KCNN2: variants seen among roughly 807,000 people sequenced by gnomAD.
KCNN2 encodes potassium calcium-activated channel subfamily N member 2.
In KCNN2, 24 loss-of-function variants were observed where a neutral mutation model predicts 55.5. The observed-to-expected ratio is 0.43, with a 90% CI of 0.31 to 0.61. The LOEUF (loss-of-function observed/expected upper bound fraction) is 0.61, where lower values mean the gene tolerates loss of function less well. Among genes scored for constraint, KCNN2 ranks in the 20% least tolerant of loss-of-function variants. The pLI is 0.08. For missense variants in KCNN2, 754 were observed against 853.6 expected (o/e 0.88, Z 1.45); for synonymous variants, 431 against 336.1 (o/e 1.28, Z -3.09).
intron 3 of KCNN2, among the ~76,000 whole-genome samples, chr5:114,430,277 T>A (rs1006408267): frequency 6.6e-6 from 1 of 152,090 alleles, no homozygotes; most frequent in African/African-American, 2.4e-5. Context: ...TTTATTTAGC[T>A]CTTCTTGGAT....
chr5:114,439,721 C>G (rs1185800870), intron 3 of KCNN2, among the ~76,000 whole-genome samples: 4 of 152,022 alleles, frequency 2.6e-5, no homozygotes, highest in Non-Finnish European at 5.9e-5. Context: ...AGGGATATAC[C>G]TATAATAAAA....
chr5:114,074,162 A>G (rs1750632667), intron 1 of KCNN2, among the ~76,000 whole-genome samples: 1 of 152,156 alleles, frequency 6.6e-6, no homozygotes, highest in South Asian at 2.1e-4. Flanking sequence ...ACTAGGTAAA[A>G]TTCTCTTGCT....
At chr5:114,176,959 A>T (rs1193668663) in intron 1 of KCNN2, among the ~76,000 whole-genome samples, 3 of 151,996 alleles carry the variant, frequency 2.0e-5, no homozygotes, top group Admixed American at 1.3e-4. Flanking sequence ...TTCTTTTTAA[A>T]GGAGGAACAG....
chr5:114,083,714 A>G (rs568804363), intron 1 of KCNN2, among the ~76,000 whole-genome samples: 1 of 152,112 alleles, frequency 6.6e-6, no homozygotes, highest in African/African-American at 2.4e-5. Context: ...CCTATTTTAA[A>G]TTAGGGTGCA....
intron 2 of KCNN2, among the ~76,000 whole-genome samples, chr5:114,348,137 A>G: frequency 6.6e-6 from 1 of 152,054 alleles, no homozygotes; most frequent in East Asian, 1.9e-4. Flanking sequence ...GAGAACATAT[A>G]TTTTCTAAAT....
intron 2 of KCNN2, among the ~76,000 whole-genome samples, chr5:114,258,491 G>T (rs978001217): frequency 6.6e-6 from 1 of 151,964 alleles, no homozygotes; most frequent in Non-Finnish European, 1.5e-5. Flanking sequence ...TTTCTTGGGA[G>T]ATTTTTTATT....
chr5:114,257,891 T>A (rs1200001852), intron 2 of KCNN2, among the ~76,000 whole-genome samples: 1 of 152,070 alleles, frequency 6.6e-6, no homozygotes. Context: ...TGAATAGGAG[T>A]GGTGAGTGTG....
intron 1 of KCNN2, among the ~76,000 whole-genome samples, chr5:114,201,132 A>G (rs1753665924): frequency 1.3e-5 from 2 of 151,996 alleles, no homozygotes; most frequent in South Asian, 2.1e-4. Flanking sequence ...CTGGGACCCA[A>G]GCAGTCTGGG....
At chr5:114,358,448 GA>G (rs952413490), upstream of KCNN2, among the ~76,000 whole-genome samples, 1 of 151,854 alleles carries the variant, frequency 6.6e-6, no homozygotes, top group African/African-American at 2.4e-5. Flanking sequence ...TAGGCCATAA[GA>G]AAAAAATAGG....
chr5:114,414,005 C>A (rs1021569310), intron 3 of KCNN2, among the ~76,000 whole-genome samples: 1 of 152,168 alleles, frequency 6.6e-6, no homozygotes, highest in Non-Finnish European at 1.5e-5. Flanking sequence ...TGCTGACATT[C>A]AAGCCATTTT....
At chr5:114,159,553 G>C (rs1056537793) in intron 1 of KCNN2, among the ~76,000 whole-genome samples, 1 of 152,136 alleles carries the variant, frequency 6.6e-6, no homozygotes, top group African/African-American at 2.4e-5. Flanking sequence ...TTTTTCTATT[G>C]ATTGGGATAG....
At chr5:114,134,448 A>G (rs1752129566) in intron 1 of KCNN2, among the ~76,000 whole-genome samples, 2 of 146,228 alleles carry the variant, frequency 1.4e-5, no homozygotes, top group Admixed American at 1.4e-4. Flanking sequence ...TAACTTTGCA[A>G]TCCAACCATG....
At chr5:114,070,827 C>A (rs1750553661) in intron 1 of KCNN2, among the ~76,000 whole-genome samples, 1 of 152,214 alleles carries the variant, frequency 6.6e-6, no homozygotes, top group Admixed American at 6.5e-5. Flanking sequence ...CTCTAAACTT[C>A]AGTGTATTTA....
intron 2 of KCNN2, among the ~76,000 whole-genome samples, chr5:114,373,340 A>G (rs986599343): frequency 3.3e-5 from 5 of 151,898 alleles, no homozygotes; most frequent in African/African-American, 9.7e-5. Flanking sequence ...AACAATGGGA[A>G]AGCAATATTG....
chr5:114,452,753 T>G (rs1760749168), intron 3 of KCNN2, among the ~76,000 whole-genome samples: 1 of 152,170 alleles, frequency 6.6e-6, no homozygotes, highest in African/African-American at 2.4e-5. Flanking sequence ...CAGGTGAATA[T>G]GCCGCTACAG....
chr5:114,258,658 C>G (rs1257739608), intron 2 of KCNN2, among the ~76,000 whole-genome samples: 1 of 152,116 alleles, frequency 6.6e-6, no homozygotes, highest in Non-Finnish European at 1.5e-5. Flanking sequence ...AACTCCATGG[C>G]CTGATCGGGC....
At chr5:114,211,278 A>G (rs1055124359) in intron 1 of KCNN2, among the ~76,000 whole-genome samples, 1 of 152,096 alleles carries the variant, frequency 6.6e-6, no homozygotes, top group Non-Finnish European at 1.5e-5. Flanking sequence ...CACTGCAGCA[A>G]TATTTACAAT....
intron 1 of KCNN2, among the ~76,000 whole-genome samples, chr5:114,082,180 C>T (rs1162738552): frequency 6.6e-6 from 1 of 151,978 alleles, no homozygotes; most frequent in Non-Finnish European, 1.5e-5. Flanking sequence ...AAGACTTAGG[C>T]CGGGCATGGT....
chr5:114,107,551 A>AT (rs77970294), intron 1 of KCNN2, among the ~76,000 whole-genome samples: 25,572 of 148,182 alleles, frequency 0.17, 2,240 homozygotes, highest in Middle Eastern at 0.23. Flanking sequence ...TGCCTGGCTA[A>AT]TTTTTTTTTT....
Sources: gnomAD v4.1 joint callset for allele counts (sites outside exome capture counted in the v4.1 genomes callset) on GRCh38, gnomAD v4.1.1 for gene constraint, MANE v1.5 for transcripts, NCBI Gene and HGNC (gene_info 2026-07-23, HGNC 2026-07-21) for gene names.